The following BANK1 variants were observed in gnomAD, a reference collection of about 807,000 sequenced individuals.
The protein encoded by BANK1 is B cell scaffold protein with ankyrin repeats 1, also known as B-cell scaffold protein with ankyrin repeats.
In BANK1, 95 loss-of-function variants were observed where a neutral mutation model predicts 94.5. The ratio of observed to expected loss-of-function variants is 1.00; its 90% confidence interval spans 0.85 to 1.19. The LOEUF (loss-of-function observed/expected upper bound fraction) is 1.19, where lower values mean the gene tolerates loss of function less well. BANK1 is among the 50% of genes most tolerant of loss of function. BANK1 has a pLI of 0.00. For missense variants in BANK1, 987 were observed against 932.2 expected (o/e 1.06, Z -0.77); for synonymous variants, 334 against 308.4 (o/e 1.08, Z -0.87).
At chr4:101,933,828 G>A (rs1723438138) in intron 7 of BANK1, among the ~76,000 whole-genome samples, 1 of 151,510 alleles carries the variant, frequency 6.6e-6, no homozygotes, top group East Asian at 2.0e-4. Flanking sequence ...AAGGGCTACC[G>A]AACTGATAGT....
chr4:101,993,833 G>A (rs1437588448), intron 7 of BANK1, among the ~76,000 whole-genome samples: 1 of 152,186 alleles, frequency 6.6e-6, no homozygotes, highest in Non-Finnish European at 1.5e-5. Context: ...TTTTCCAAAA[G>A]ATCTACCAAG....
intron 11 of BANK1, 117 bp from the exon 12 acceptor site, chr4:102,060,094 T>C: frequency 1.1e-6 from 1 of 918,184 alleles, no homozygotes; most frequent in African/African-American, 1.7e-5. Context: ...GTTTATTCTT[T>C]AACTGCTCAT....
At chr4:101,908,858 T>C (rs947379854) in intron 6 of BANK1, among the ~76,000 whole-genome samples, 5 of 152,192 alleles carry the variant, frequency 3.3e-5, no homozygotes, top group African/African-American at 1.2e-4. Flanking sequence ...CACAATAAGA[T>C]ACCATCTCAC....
Position 102,064,118 on chromosome 4 carries a change from T to C in BANK1, c.2212+980T>C, listed in dbSNP as rs749037959. On this transcript the variant is annotated intron_variant, in intron 13 of 16. Coordinates refer to ENST00000322953, the MANE Select transcript of BANK1 (RefSeq NM_017935.5). ...TCCCCCTGCACAGATAATTAAAAAC[T>C]AGCAGCCACTAAAAGAGTGTGAAAG... is the stretch of plus-strand genomic sequence containing the variant. 4.8e-4 allele frequency among the ~76,000 whole-genome samples: 73 copies of C among 152,314 alleles called. 1 individual carries two copies. The Middle Eastern group carries it at 0.014, about 28-fold the overall frequency.
chr4:101,982,396 G>T (rs1056528053), intron 7 of BANK1, among the ~76,000 whole-genome samples: 9 of 151,788 alleles, frequency 5.9e-5, no homozygotes, highest in African/African-American at 2.2e-4. Flanking sequence ...CCTATTAGTG[G>T]CCTGAAATGC....
intron 7 of BANK1, among the ~76,000 whole-genome samples, chr4:101,938,678 C>T (rs6858108): frequency 0.44 from 66,857 of 151,264 alleles, 14,959 homozygotes; most frequent in South Asian, 0.53. Flanking sequence ...TGAAAGATAG[C>T]TCTTGGAGAA....
chr4:101,876,970 T>C (rs1728512397), intron 5 of BANK1, among the ~76,000 whole-genome samples: 1 of 151,814 alleles, frequency 6.6e-6, no homozygotes, highest in Non-Finnish European at 1.5e-5. Flanking sequence ...ACTAGTGAGC[T>C]TGAAGACAGG....
At chr4:102,071,397 CAA>C (rs1728756208) in intron 14 of BANK1, 93 bp downstream of exon 14, 1 of 1,247,690 alleles carries the variant, frequency 8.0e-7, no homozygotes, top group African/African-American at 1.5e-5. Context: ...TGTGATTAAG[CAA>C]GTCAGTGTAA....
intron 7 of BANK1, among the ~76,000 whole-genome samples, chr4:101,926,864 T>A (rs376129733): frequency 6.6e-6 from 1 of 151,732 alleles, no homozygotes; most frequent in African/African-American, 2.4e-5. Context: ...AAGGCTCTGG[T>A]AGGATGTGGA....
chr4:101,986,488 A>G (rs1725485129), intron 7 of BANK1, among the ~76,000 whole-genome samples: 1 of 152,044 alleles, frequency 6.6e-6, no homozygotes, highest in South Asian at 2.1e-4. Context: ...GCTGAGCTTC[A>G]GTTTCCTTAC....
chr4:101,874,126 A>G lies in BANK1; in HGVS notation c.903+3482A>G, dbSNP rs893448571. On this transcript the variant is annotated intron_variant, in intron 5 of 16. Transcript: ENST00000322953. The stretch of plus-strand genomic sequence containing the variant: ...TCCTTTTGCATATTTTACTTTACAC[A>G]TATTGAAATATTATTTTCATTTTCA... 2.0e-5 allele frequency among the ~76,000 whole-genome samples: 3 copies of G among 152,172 alleles called. 1 individual carries two copies. The highest frequency in any genetic ancestry group is 4.1e-4 in the South Asian group (2 of 4,830).
chr4:101,921,933 G>A (rs539814738), intron 7 of BANK1, among the ~76,000 whole-genome samples: 9 of 151,788 alleles, frequency 5.9e-5, no homozygotes, highest in African/African-American at 2.2e-4. Flanking sequence ...GCTCATGTGT[G>A]CGATGGGATT....
At chr4:102,072,840 G>A (rs1343008064) in intron 15 of BANK1, among the ~76,000 whole-genome samples, 1 of 152,122 alleles carries the variant, frequency 6.6e-6, no homozygotes, top group African/African-American at 2.4e-5. Context: ...AAAATAAATT[G>A]CTAACGAGAA....
At position 102,005,766 on chromosome 4, in the gene BANK1, G is replaced by T. The variant is rs34592089; in HGVS notation, c.1207-15748G>T. On this transcript the variant is annotated intron_variant, in intron 7 of 16. Coordinates refer to ENST00000322953, the MANE Select transcript of BANK1 (RefSeq NM_017935.5). ...CAACATTCTTTTTCTTTTGAGGCAG[G>T]TACTGTTAATACCCCATTTTACAGA... 4.1e-4 allele frequency among the ~76,000 whole-genome samples: 63 copies of T among 151,936 alleles called. 1 individual carries two copies. In the East Asian group the frequency reaches 0.012, roughly 28 times the overall value.
In BANK1 at chr4:101,808,096, AGAAAT is replaced by A. The variant is rs1725623157; in HGVS notation, c.70+17152_70+17156del. 2.0e-5 allele frequency among the ~76,000 whole-genome samples: 3 copies of A among 149,652 alleles called. No individual in the cohort carries two copies. The South Asian group carries it at 6.3e-4, about 31-fold the overall frequency. ...AGCAAGACTCTCAAAAAAAAAAAAA[AGAAAT>A]GAAATTTAAAAAAATAAAAAATAAA... On this transcript the variant is annotated intron_variant, in intron 1 of 16. Transcript: ENST00000322953.
chr4:102,001,531 C>T (rs140142594), intron 7 of BANK1, among the ~76,000 whole-genome samples: 1,739 of 152,184 alleles, frequency 0.011, 40 homozygotes, highest in African/African-American at 0.038. Context: ...ACCCGGGAGG[C>T]GGAGGTTGCA....
intron 6 of BANK1, among the ~76,000 whole-genome samples, chr4:101,905,734 C>T (rs1248853436): frequency 1.3e-5 from 2 of 152,260 alleles, no homozygotes; most frequent in African/African-American, 2.4e-5. Flanking sequence ...ATATAATCAA[C>T]TAAATGTGCT....
chr4:101,832,872 T>C (rs1726674154), intron 2 of BANK1, among the ~76,000 whole-genome samples: 2 of 151,970 alleles, frequency 1.3e-5, no homozygotes, highest in South Asian at 2.1e-4. Context: ...CCCTTCCTTC[T>C]TTGCTTTCTT....
chr4:102,034,750 T>C (rs1727441971), intron 10 of BANK1, among the ~76,000 whole-genome samples: 2 of 152,134 alleles, frequency 1.3e-5, no homozygotes, highest in Non-Finnish European at 2.9e-5. Flanking sequence ...ATTTTAGAGA[T>C]AAAGAAACTA....
Sources: gnomAD v4.1 joint callset for allele counts (sites outside exome capture counted in the v4.1 genomes callset) on GRCh38, gnomAD v4.1.1 for gene constraint, MANE v1.5 for transcripts, NCBI Gene and HGNC (gene_info 2026-07-23, HGNC 2026-07-21) for gene names.